Variants in CAMKMT observed in about 807,000 individuals in gnomAD.
CAMKMT encodes the protein CaM KMT.
A neutral mutation model predicts 48.0 loss-of-function variants in CAMKMT; 53 were observed. That is an observed-to-expected ratio of 1.10 (90% CI 0.89 to 1.39). The LOEUF (loss-of-function observed/expected upper bound fraction) is 1.39, where lower values mean the gene tolerates loss of function less well. Ranked by LOEUF, CAMKMT falls within the 40% of genes most tolerant of loss-of-function variation. The probability of loss-of-function intolerance (pLI) is 0.00; values close to 1 mark genes in which losing one functional copy is unlikely to be tolerated. For missense variants in CAMKMT, 428 were observed against 402.7 expected (o/e 1.06, Z -0.54); for synonymous variants, 165 against 152.3 (o/e 1.08, Z -0.61).
intron 3 of CAMKMT, chr2:44,631,538 A>G: frequency 1.6e-6 from 1 of 613,400 alleles, no homozygotes; most frequent in East Asian, 3.1e-5. Context: ...TCCTGGACTC[A>G]AGCAATCCTT....
At chr2:44,610,352 A>C (rs1671530777) in intron 3 of CAMKMT, among the ~76,000 whole-genome samples, 1 of 152,226 alleles carries the variant, frequency 6.6e-6, no homozygotes, top group African/African-American at 2.4e-5. Flanking sequence ...TAAAGTCTTA[A>C]GGAAGCAGAA....
intron 3 of CAMKMT, among the ~76,000 whole-genome samples, chr2:44,612,035 T>A (rs1385785224): frequency 6.6e-6 from 1 of 152,114 alleles, no homozygotes; most frequent in Non-Finnish European, 1.5e-5. Context: ...TGGGGAAACA[T>A]CCAAACTATA....
chr2:44,730,099 T>C (rs1413021844), intron 7 of CAMKMT, among the ~76,000 whole-genome samples: 1 of 152,168 alleles, frequency 6.6e-6, no homozygotes, highest in Non-Finnish European at 1.5e-5. Flanking sequence ...AGGAGAAAGA[T>C]GGTATCAGAT....
chr2:44,600,731 G>T (rs1311950064), intron 3 of CAMKMT, among the ~76,000 whole-genome samples: 1 of 151,990 alleles, frequency 6.6e-6, no homozygotes, highest in Non-Finnish European at 1.5e-5. Context: ...AGATGAAATT[G>T]GTTTGTTATT....
intron 3 of CAMKMT, among the ~76,000 whole-genome samples, chr2:44,570,303 C>T (rs989100771): frequency 3.9e-5 from 6 of 152,022 alleles, no homozygotes; most frequent in African/African-American, 7.2e-5. Flanking sequence ...GTGTGCCAAA[C>T]GGAGACATAC....
chr2:44,704,491 G>A (rs1677434969), intron 4 of CAMKMT, 148 bp downstream of exon 4: 2 of 567,922 alleles, frequency 3.5e-6, no homozygotes, highest in Non-Finnish European at 5.8e-6. Flanking sequence ...ACAGAAAGAG[G>A]GGAAAAAGTT....
intron 3 of CAMKMT, among the ~76,000 whole-genome samples, chr2:44,578,834 A>C (rs1462987158): frequency 6.6e-6 from 1 of 152,228 alleles, no homozygotes; most frequent in Non-Finnish European, 1.5e-5. Flanking sequence ...ATAATTTTGT[A>C]CTAGTCAGTA....
intron 3 of CAMKMT, among the ~76,000 whole-genome samples, chr2:44,671,832 G>A (rs894276692): frequency 2.0e-5 from 3 of 151,952 alleles, no homozygotes; most frequent in Non-Finnish European, 4.4e-5. Flanking sequence ...TTTGAAAACC[G>A]ATTCTCAACC....
chr2:44,662,478 A>ATT lies in CAMKMT; in HGVS notation c.377-41802_377-41801dup, dbSNP rs112515847. Among the ~76,000 whole-genome samples the ATT allele has an allele frequency of 3.9e-4, 60 of 152,224 alleles. 1 individual carries two copies. In the Middle Eastern group the frequency reaches 0.01, roughly 26 times the overall value. ...TAGTCACATCAAACTATTAAGCTATATTTTCCTCATCCTGCATTTGGGCAA... is the reference window on the plus strand; with the variant it reads ...TAGTCACATCAAACTATTAAGCTATATTTTTTCCTCATCCTGCATTTGGGCAA... On this transcript the variant is annotated intron_variant, in intron 3 of 10. Transcript: ENST00000378494.
At chr2:44,473,448 A>C (rs1457822452) in intron 3 of CAMKMT, among the ~76,000 whole-genome samples, 1 of 152,226 alleles carries the variant, frequency 6.6e-6, no homozygotes, top group Non-Finnish European at 1.5e-5. Context: ...TTTTTTTAAA[A>C]ACAGTGCTAT....
chr2:44,563,332 T>C (rs1173289033), intron 3 of CAMKMT, among the ~76,000 whole-genome samples: 1 of 151,744 alleles, frequency 6.6e-6, no homozygotes, highest in Non-Finnish European at 1.5e-5. Context: ...ATATTTTCAG[T>C]GTGATTAAAT....
intron 3 of CAMKMT, among the ~76,000 whole-genome samples, chr2:44,430,988 G>A (rs1684615207): frequency 6.6e-6 from 1 of 152,112 alleles, no homozygotes; most frequent in African/African-American, 2.4e-5. Context: ...TTATTAAAAA[G>A]TTACTTTAAA....
chr2:44,475,719 C>T (rs1668654695), intron 3 of CAMKMT, among the ~76,000 whole-genome samples: 1 of 152,102 alleles, frequency 6.6e-6, no homozygotes, highest in Non-Finnish European at 1.5e-5. Flanking sequence ...CTGTTGGATA[C>T]CTCACTATTT....
chr2:44,417,503 A>C (rs1461282434), intron 3 of CAMKMT, among the ~76,000 whole-genome samples: 1 of 152,212 alleles, frequency 6.6e-6, no homozygotes, highest in Non-Finnish European at 1.5e-5. Flanking sequence ...TTTGCATAAA[A>C]CTAGTGTGAA....
intron 3 of CAMKMT, among the ~76,000 whole-genome samples, chr2:44,486,892 C>G (rs1038007217): frequency 1.3e-5 from 2 of 152,164 alleles, no homozygotes; most frequent in Admixed American, 6.5e-5. Context: ...ACATTGTGCC[C>G]AGTACTGAAT....
At chr2:44,472,319 T>C (rs1036315706) in intron 3 of CAMKMT, among the ~76,000 whole-genome samples, 4 of 152,222 alleles carry the variant, frequency 2.6e-5, no homozygotes, top group African/African-American at 9.6e-5. Context: ...TTAATCAGTG[T>C]ATGAAATTTG....
At chr2:44,439,656 G>A (rs1461141054) in intron 3 of CAMKMT, among the ~76,000 whole-genome samples, 1 of 151,912 alleles carries the variant, frequency 6.6e-6, no homozygotes, top group African/African-American at 2.4e-5. Context: ...GGCTAACACG[G>A]TGAAACCCCG....
At chr2:44,539,284 A>AAT (rs1666959605) in intron 3 of CAMKMT, among the ~76,000 whole-genome samples, 1 of 16,790 alleles carries the variant, frequency 6.0e-5, no homozygotes, top group Non-Finnish European at 1.8e-4. Context: ...CAGAAGTCTC[A>AAT]AAAAAAAAAA....
intron 3 of CAMKMT, among the ~76,000 whole-genome samples, chr2:44,612,476 A>G (rs1671654306): frequency 6.6e-6 from 1 of 152,334 alleles, no homozygotes; most frequent in Non-Finnish European, 1.5e-5. Context: ...GGAAGTAGTG[A>G]TTACGGAATT....
Sources: gnomAD v4.1 joint callset for allele counts (sites outside exome capture counted in the v4.1 genomes callset) on GRCh38, gnomAD v4.1.1 for gene constraint, MANE v1.5 for transcripts, NCBI Gene and HGNC (gene_info 2026-07-23, HGNC 2026-07-21) for gene names.